Variants in NFE2L2 observed in about 807,000 individuals in gnomAD.
NFE2L2 encodes nuclear factor erythroid 2-related factor 2.
A neutral mutation model predicts 49.6 loss-of-function variants in NFE2L2; 20 were observed. That is an observed-to-expected ratio of 0.40 (90% CI 0.28 to 0.59). The LOEUF (loss-of-function observed/expected upper bound fraction) is 0.59, where lower values mean the gene tolerates loss of function less well. NFE2L2 is among the 20% of genes least tolerant of loss of function. The pLI is 0.40. For synonymous variants in NFE2L2, 244 were observed against 256.5 expected, an observed-to-expected ratio of 0.95 and a Z score of 0.47; for missense variants, 578 against 714.2, an observed-to-expected ratio of 0.81 and a Z score of 2.17.
chr2:177,257,476 T>A (rs148182648), intron 1 of NFE2L2, among the ~76,000 whole-genome samples: 1 of 152,236 alleles, frequency 6.6e-6, no homozygotes, highest in African/African-American at 2.4e-5. Context: ...GCCAGGCACT[T>A]TGAAACACAG....
intron 1 of NFE2L2, among the ~76,000 whole-genome samples, chr2:177,253,935 G>T (rs978914553): frequency 2.6e-5 from 4 of 152,132 alleles, no homozygotes; most frequent in African/African-American, 4.8e-5. Flanking sequence ...TTTTCTTAGC[G>T]GATTCTAGTT....
At chr2:177,236,957 T>C (rs1689772126) in intron 1 of NFE2L2, among the ~76,000 whole-genome samples, 1 of 152,178 alleles carries the variant, frequency 6.6e-6, no homozygotes. Flanking sequence ...AGCCTTCACC[T>C]GGGCTCAAGT....
intron 1 of NFE2L2, chr2:177,263,973 G>A (rs889940506): frequency 2.3e-5 from 23 of 983,730 alleles, no homozygotes; most frequent in African/African-American, 2.3e-4. Context: ...CCAGCGGGGT[G>A]AGCGCGTCGC....
intron 1 of NFE2L2, among the ~76,000 whole-genome samples, chr2:177,238,417 T>C (rs1286127388): frequency 1.3e-5 from 2 of 152,220 alleles, no homozygotes; most frequent in Admixed American, 6.5e-5. Flanking sequence ...TTTCCCCCCC[T>C]TTTCCTTCCC....
chr2:177,254,490 T>A (rs1690448228), intron 1 of NFE2L2, among the ~76,000 whole-genome samples: 1 of 152,188 alleles, frequency 6.6e-6, no homozygotes, highest in Non-Finnish European at 1.5e-5. Flanking sequence ...ACCACCGTGC[T>A]TCCACTGGGG....
At chr2:177,234,511 G>A (rs1193201499) in intron 1 of NFE2L2, among the ~76,000 whole-genome samples, 2 of 152,182 alleles carry the variant, frequency 1.3e-5, no homozygotes, top group African/African-American at 2.4e-5. Context: ...TAATCACTTG[G>A]ATCATTAATG....
intron 1 of NFE2L2, among the ~76,000 whole-genome samples, chr2:177,236,591 A>C (rs1238271157): frequency 6.6e-6 from 1 of 152,216 alleles, no homozygotes; most frequent in Non-Finnish European, 1.5e-5. Flanking sequence ...TTAAGAAAAA[A>C]GATACTACCA....
chr2:177,250,791 C>A (rs1690310666), intron 1 of NFE2L2, among the ~76,000 whole-genome samples: 1 of 152,192 alleles, frequency 6.6e-6, no homozygotes, highest in Admixed American at 6.5e-5. Context: ...CCAGGTGGGG[C>A]CTCTGCTGCT....
intron 1 of NFE2L2, chr2:177,264,228 G>T (rs1263344196): frequency 3.0e-6 from 1 of 331,488 alleles, no homozygotes. Flanking sequence ...CAGCTCTCGG[G>T]CCCGGGGACG....
rs1277176472 is a variant in NFE2L2, at chr2:177,232,006, A to G, written c.597T>C (p.Cys199=). ...EELLSIPELQ[C]LNIENDKLVE... ...CCAGCTTGTCATTTTCAATATTAAG[A>G]CACTGCATGAGAAGGAAGTTTATAC... is the stretch of plus-strand genomic sequence containing the variant. Residue 199 remains cysteine, a splice_region_variant and synonymous_variant, in exon 5 of 5, where the codon TGT becomes TGC. Transcript: ENST00000397062. The G allele has an allele frequency of 6.3e-7, 1 of 1,594,784 alleles. No individual in the cohort carries two copies.
At chr2:177,252,859 G>A (rs1362636973) in intron 1 of NFE2L2, among the ~76,000 whole-genome samples, 2 of 152,166 alleles carry the variant, frequency 1.3e-5, no homozygotes, top group African/African-American at 4.8e-5. Context: ...ACCTTGGCAG[G>A]AGCCCGCTCA....
At chr2:177,251,620 C>T (rs2105482574) in intron 1 of NFE2L2, among the ~76,000 whole-genome samples, 1 of 152,236 alleles carries the variant, frequency 6.6e-6, no homozygotes, top group East Asian at 1.9e-4. Context: ...GTCTCCACAA[C>T]AACCAGGACC....
At chr2:177,264,342 C>G in intron 1 of NFE2L2, 190 bp downstream of exon 1, 1 of 538,398 alleles carries the variant, frequency 1.9e-6, no homozygotes, top group Middle Eastern at 4.9e-4. Context: ...TCGGATCACC[C>G]GGCCGCGTCC....
intron 1 of NFE2L2, among the ~76,000 whole-genome samples, chr2:177,253,081 G>C (rs890852638): frequency 5.9e-5 from 9 of 152,208 alleles, no homozygotes; most frequent in Non-Finnish European, 1.0e-4. Flanking sequence ...CCAATAGTCT[G>C]TCATAGTCCA....
intron 1 of NFE2L2, among the ~76,000 whole-genome samples, chr2:177,256,173 C>CA (rs374756183): frequency 2.7e-3 from 415 of 152,214 alleles, no homozygotes; most frequent in African/African-American, 9.1e-3. Context: ...TCAAACACCT[C>CA]AAGAAGAGGT....
chr2:177,234,286 A>G lies in NFE2L2; in HGVS notation c.46-15T>C, dbSNP rs750999436. 1.3e-5 allele frequency: 21 copies of G among 1,586,616 alleles called. No individual in the cohort carries two copies. The African/African-American group carries it at 2.7e-4, about 21-fold the overall frequency. On this transcript the variant is annotated splice_polypyrimidine_tract_variant and intron_variant, in intron 1 of 4. Coordinates refer to ENST00000397062, the MANE Select transcript of NFE2L2 (RefSeq NM_006164.5). Reference sequence around the variant, plus strand: ...AAATCCATGTCCTATGTTTAAGACAAAAAAAGGAAGGAGAGAGCTCATGTT... The same window carrying G: ...AAATCCATGTCCTATGTTTAAGACAGAAAAAGGAAGGAGAGAGCTCATGTT...
At chr2:177,236,303 C>T (rs1183601739) in intron 1 of NFE2L2, among the ~76,000 whole-genome samples, 5 of 152,198 alleles carry the variant, frequency 3.3e-5, no homozygotes, top group East Asian at 1.9e-4. Context: ...TGAAGGTTGG[C>T]GTTGGAATCT....
At chr2:177,246,017 C>G (rs747545327) in intron 1 of NFE2L2, among the ~76,000 whole-genome samples, 2 of 152,246 alleles carry the variant, frequency 1.3e-5, no homozygotes, top group African/African-American at 4.8e-5. Flanking sequence ...TCCAGACCTT[C>G]TGACCTTGAG....
rs182276775 is a variant in NFE2L2 at position 177,231,334 on chromosome 2, C to A, written c.1269G>T (p.Glu423Asp). The A allele has an allele frequency of 2.0e-5, 33 of 1,614,240 alleles. No homozygotes were observed. In the African/African-American group the frequency reaches 4.3e-4, roughly 21 times the overall value. The change falls in exon 5 of 5, where the codon GAG (glutamate) becomes GAT (aspartate). Residue 423 changes from glutamate (E) to aspartate (D), a missense_variant. By Grantham distance (45) the Glu-to-Asp change is conservative. Transcript: ENST00000397062. ...CAGGCAATTCTTTCTCTGGTGTGTT[C>A]TCACATTGGGCATCATGCACGTGAG... The part of the protein sequence containing the change: ...QSTHVHDAQC[E>D]NTPEKELPVS...
Sources: allele counts gnomAD v4.1 joint callset (sites outside exome capture counted in the v4.1 genomes callset), GRCh38; gene constraint gnomAD v4.1.1; transcripts MANE v1.5; gene names NCBI Gene and HGNC (gene_info 2026-07-23, HGNC 2026-07-21).